The following GPC4 variants were observed in gnomAD, a reference collection of about 807,000 sequenced individuals.
The protein encoded by GPC4 is glypican-4.
A neutral mutation model predicts 35.0 loss-of-function variants in GPC4; 10 were observed. The ratio of observed to expected loss-of-function variants is 0.29; its 90% CI spans 0.18 to 0.48. The LOEUF is 0.48. GPC4 is among the 20% of genes least tolerant of loss of function. The pLI is 0.99. For missense variants in GPC4, 322 were observed against 451.3 expected (o/e 0.71, Z 2.60); for synonymous variants, 167 against 170.2 (o/e 0.98, Z 0.15).
At chrX:133,403,881 G>A (rs749311322) in intron 1 of GPC4, among the ~76,000 whole-genome samples, 32 of 109,966 alleles carry the variant, frequency 2.9e-4, no homozygotes, top group Non-Finnish European at 5.1e-4. Context: ...GTTTTTAGTC[G>A]AGAAGGGGTT....
chrX:133,302,830 A>G lies in GPC4; in HGVS notation c.*37T>C. The G allele has an allele frequency of 8.5e-7, 1 of 1,181,198 alleles. No homozygotes were observed. The highest frequency in any genetic ancestry group is 1.8e-5 in the South Asian group (1 of 55,438). On this transcript the variant is annotated 3_prime_UTR_variant, in exon 9 of 9. Coordinates refer to ENST00000370828, the MANE Select transcript of GPC4 (RefSeq NM_001448.3). ...AGAAAAGTGATAACTGGTGCCTTTT[A>G]ACTTTTTGATGAACACTTTTTCTCA...
chrX:133,302,956 C>G lies in GPC4; in HGVS notation c.1582G>C (p.Asp528His), dbSNP rs781679785. 2 of 1,211,596 alleles carry G rather than the reference C, an allele frequency of 1.7e-6. No homozygotes were observed. The highest frequency in any genetic ancestry group is 2.2e-6 in the Non-Finnish European group (2 of 895,405). Residue 528 changes from aspartate to histidine, a missense_variant, in exon 9 of 9, where the codon GAC (aspartate) becomes CAC (histidine). Coordinates refer to ENST00000370828, the MANE Select transcript of GPC4 (RefSeq NM_001448.3). ...HAGKSANEKA[D>H]SAGVRPGAQA... Reference sequence around the variant, plus strand: ...GCCCCAGGACGGACACCAGCACTGTCGGCTTTCTCATTGGCACTCTTCCCA... The same window carrying G: ...GCCCCAGGACGGACACCAGCACTGTGGGCTTTCTCATTGGCACTCTTCCCA...
intron 1 of GPC4, among the ~76,000 whole-genome samples, chrX:133,377,787 T>C (rs1480109036): frequency 9.0e-6 from 1 of 110,748 alleles, no homozygotes; most frequent in Non-Finnish European, 1.9e-5. Context: ...AGTGAGGCTC[T>C]AGAGACTACA....
At chrX:133,306,306 T>G in intron 4 of GPC4, 152 bp from the exon 5 acceptor site, 2 of 595,608 alleles carry the variant, frequency 3.4e-6, no homozygotes, top group Non-Finnish European at 5.3e-6. Context: ...TGTTTTTATG[T>G]CTATTTCCCT....
chrX:133,319,558 T>C (rs2068355190), intron 3 of GPC4, among the ~76,000 whole-genome samples: 1 of 108,627 alleles, frequency 9.2e-6, no homozygotes, highest in Non-Finnish European at 1.9e-5. Flanking sequence ...TCCCTTACTT[T>C]GAAAGGTCTT....
At chrX:133,373,652 A>G (rs2068622483) in intron 1 of GPC4, among the ~76,000 whole-genome samples, 1 of 111,382 alleles carries the variant, frequency 9.0e-6, no homozygotes, top group Non-Finnish European at 1.9e-5. Context: ...TCTGCCAAAA[A>G]CGGGGTTGTA....
intron 3 of GPC4, among the ~76,000 whole-genome samples, chrX:133,322,359 G>A (rs756238510): frequency 4.0e-4 from 44 of 109,259 alleles, no homozygotes; most frequent in Non-Finnish European, 7.0e-4. Context: ...CAGGAGAATC[G>A]TCTGAGCCTG....
intron 1 of GPC4, among the ~76,000 whole-genome samples, chrX:133,397,684 C>T (rs2068749928): frequency 8.9e-6 from 1 of 112,039 alleles, no homozygotes; most frequent in Non-Finnish European, 1.9e-5. Context: ...ACCCTGAGTG[C>T]CTCCTAGCAT....
chrX:133,303,765 T>A (rs1603053653), intron 7 of GPC4, among the ~76,000 whole-genome samples: 2 of 110,387 alleles, frequency 1.8e-5, no homozygotes, highest in Middle Eastern at 9.3e-3. Flanking sequence ...CACAGGAGAA[T>A]CACTTGAACC....
chrX:133,325,879 T>C (rs2124121987), intron 2 of GPC4, among the ~76,000 whole-genome samples: 1 of 111,874 alleles, frequency 8.9e-6, no homozygotes, highest in Non-Finnish European at 1.9e-5. Flanking sequence ...GATGTATGTG[T>C]GTGACTCTCC....
Position 133,324,139 on chromosome X carries a change from A to G in GPC4, c.711+6T>C. The G allele has an allele frequency of 8.4e-7, 1 of 1,188,460 alleles. No homozygotes were observed. Among genetic ancestry groups the G allele is most frequent in the East Asian group, 3.0e-5 (1 of 33,573 alleles). On this transcript the variant is annotated splice_donor_region_variant and intron_variant, in intron 3 of 8. Transcript: ENST00000370828. ...AAACAAAACAGAGAAGACAAGGAGT[A>G]CTTACCACGGAGACCTTGCTCACGA...
At position 133,305,759 on chromosome X, in the gene GPC4, C is replaced by A. The variant is rs748010656; in HGVS notation, c.1155+13G>T. 1.7e-6 allele frequency: 2 copies of A among 1,209,100 alleles called. No homozygotes were observed. Among genetic ancestry groups the A allele is most frequent in the Admixed American group, 4.4e-5 (2 of 45,507 alleles). ...TTGTCATTAAACACGGCCCTTCCTG[C>A]CAAAACGCTCACCAGTCGGTCCAAA... On this transcript the variant is annotated intron_variant, in intron 6 of 8. Transcript: ENST00000370828.
chrX:133,391,149 T>C (rs2068717848), intron 1 of GPC4, among the ~76,000 whole-genome samples: 1 of 112,240 alleles, frequency 8.9e-6, no homozygotes, highest in Non-Finnish European at 1.9e-5. Context: ...ATTATTGCTG[T>C]TGTTGTTATC....
At chrX:133,311,200 C>G in intron 4 of GPC4, 58 bp downstream of exon 4, 2 of 1,112,897 alleles carry the variant, frequency 1.8e-6, no homozygotes, top group Non-Finnish European at 2.5e-6. Context: ...TACAACATTC[C>G]TTGTGACTGG....
At chrX:133,304,325 G>A (rs778180053) in intron 7 of GPC4, among the ~76,000 whole-genome samples, 16 of 110,881 alleles carry the variant, frequency 1.4e-4, no homozygotes, top group African/African-American at 4.6e-4. Flanking sequence ...AAAAAGTATG[G>A]GTACTTCTCT....
intron 1 of GPC4, among the ~76,000 whole-genome samples, chrX:133,341,492 G>A (rs1283192425): frequency 9.0e-6 from 1 of 111,610 alleles, no homozygotes; most frequent in Non-Finnish European, 1.9e-5. Flanking sequence ...CACCTGCAAA[G>A]ATTCCATTGT....
intron 3 of GPC4, among the ~76,000 whole-genome samples, chrX:133,315,291 C>T (rs1449932252): frequency 9.1e-6 from 1 of 110,268 alleles, no homozygotes; most frequent in Non-Finnish European, 1.9e-5. Flanking sequence ...CATGTTCAAT[C>T]TGCAACTTTA....
chrX:133,413,907 C>G (rs770429279), intron 1 of GPC4, among the ~76,000 whole-genome samples: 1 of 110,838 alleles, frequency 9.0e-6, no homozygotes, highest in Non-Finnish European at 1.9e-5. Flanking sequence ...CCCCCATACA[C>G]CCCCCATCCC....
intron 1 of GPC4, among the ~76,000 whole-genome samples, chrX:133,387,946 A>C (rs1053714871): frequency 8.9e-6 from 1 of 111,996 alleles, no homozygotes; most frequent in African/African-American, 3.2e-5. Flanking sequence ...GTTAAGACTT[A>C]AGCTCAAAAC....
Sources: gnomAD v4.1 joint callset for allele counts (sites outside exome capture counted in the v4.1 genomes callset) on GRCh38, gnomAD v4.1.1 for gene constraint, MANE v1.5 for transcripts, NCBI Gene and HGNC (gene_info 2026-07-23, HGNC 2026-07-21) for gene names.